FHIT: variants seen among roughly 807,000 people sequenced by gnomAD.
FHIT encodes the protein fragile histidine triad diadenosine triphosphatase, also known as bis(5'-adenosyl)-triphosphatase.
In FHIT, 19 loss-of-function variants were observed where a neutral mutation model predicts 17.9. That is an observed-to-expected ratio of 1.06 (90% CI 0.74 to 1.56). The LOEUF is 1.56. Ranked by LOEUF, FHIT falls within the 40% of genes most tolerant of loss-of-function variation. The pLI is 0.00. For synonymous variants in FHIT, 81 were observed against 69.7 expected (o/e 1.16, Z -0.81); for missense variants, 248 against 189.2 (o/e 1.31, Z -1.82).
At chr3:61,098,784 T>A (rs1192302337) in intron 2 of FHIT, among the ~76,000 whole-genome samples, 1 of 152,238 alleles carries the variant, frequency 6.6e-6, no homozygotes, top group Non-Finnish European at 1.5e-5. Context: ...TGTTTGTGAT[T>A]TTTGCACATG....
intron 3 of FHIT, among the ~76,000 whole-genome samples, chr3:61,004,331 G>C (rs769528254): frequency 3.9e-5 from 6 of 152,162 alleles, no homozygotes; most frequent in Non-Finnish European, 8.8e-5. Context: ...TACATATGCA[G>C]TTTCAAAAAA....
chr3:60,169,283 A>G (rs988643312), intron 5 of FHIT, among the ~76,000 whole-genome samples: 2 of 152,170 alleles, frequency 1.3e-5, no homozygotes, highest in Non-Finnish European at 2.9e-5. Context: ...AGGATCTCAC[A>G]GCTTTCAGGG....
In FHIT at chr3:60,349,389, A is replaced by T. The variant is rs2106936220; in HGVS notation, c.103+187471T>A. On this transcript the variant is annotated intron_variant, in intron 5 of 9. Coordinates refer to ENST00000492590, the MANE Select transcript of FHIT (RefSeq NM_002012.4). ...TAGTGCATTACATAAAAGAAATTAAAACTATTATGTCTTAATGCTTACCAC... is the reference window on the plus strand; with the variant it reads ...TAGTGCATTACATAAAAGAAATTAATACTATTATGTCTTAATGCTTACCAC... Among the ~76,000 whole-genome samples the T allele has an allele frequency of 2.6e-5, 4 of 152,256 alleles. No individual in the cohort carries two copies. In the Middle Eastern group the frequency reaches 0.014, roughly 521 times the overall value.
At chr3:60,388,417 T>C (rs1347144342) in intron 5 of FHIT, among the ~76,000 whole-genome samples, 1 of 151,970 alleles carries the variant, frequency 6.6e-6, no homozygotes, top group Admixed American at 6.6e-5. Context: ...CTGGGCAACA[T>C]GGAAAAACCC....
chr3:59,895,446 A>C (rs1704028139), intron 8 of FHIT, among the ~76,000 whole-genome samples: 1 of 152,220 alleles, frequency 6.6e-6, no homozygotes, highest in Admixed American at 6.5e-5. Flanking sequence ...TCAATATTAA[A>C]GTCAGAAAGC....
Position 60,840,922 on chromosome 3 carries a change from T to C in FHIT, c.-110-18911A>G, listed in dbSNP as rs1702705915. On this transcript the variant is annotated intron_variant, in intron 3 of 9. Coordinates refer to ENST00000492590, the MANE Select transcript of FHIT (RefSeq NM_002012.4). Reference sequence around the variant, plus strand: ...ATGTCTAAAATTAAGCAAATGCAATTATATGAGTTAGTATCATCTTATCAT... The same window carrying C: ...ATGTCTAAAATTAAGCAAATGCAATCATATGAGTTAGTATCATCTTATCAT... Among the ~76,000 whole-genome samples the C allele has an allele frequency of 1.3e-5, 2 of 152,230 alleles. 1 individual carries two copies. Among genetic ancestry groups the C allele is most frequent in the South Asian group, 4.1e-4 (2 of 4,832 alleles).
chr3:59,915,678 G>A (rs1203819530), intron 8 of FHIT, among the ~76,000 whole-genome samples: 1 of 152,166 alleles, frequency 6.6e-6, no homozygotes, highest in African/African-American at 2.4e-5. Context: ...AGTGGCTCAT[G>A]CCTATAATCC....
At chr3:60,147,733 G>T (rs59882252) in intron 5 of FHIT, among the ~76,000 whole-genome samples, 1 of 152,054 alleles carries the variant, frequency 6.6e-6, no homozygotes, top group South Asian at 2.1e-4. Flanking sequence ...CTATCTTCCC[G>T]GAGCTTCTCT....
intron 2 of FHIT, among the ~76,000 whole-genome samples, chr3:61,102,632 C>T (rs28885672): frequency 0.014 from 2,163 of 152,280 alleles, 49 homozygotes; most frequent in African/African-American, 0.049. Context: ...AGGAATGGTA[C>T]CAGCTCCTCT....
intron 2 of FHIT, among the ~76,000 whole-genome samples, chr3:61,045,935 A>G (rs181532348): frequency 1.3e-5 from 2 of 152,330 alleles, no homozygotes; most frequent in Admixed American, 1.3e-4. Flanking sequence ...TGTTCTTTGA[A>G]ACCAACGAGA....
chr3:60,682,563 G>A (rs2040775127), intron 4 of FHIT, among the ~76,000 whole-genome samples: 1 of 152,136 alleles, frequency 6.6e-6, no homozygotes, highest in Admixed American at 6.5e-5. Flanking sequence ...ATGGTTTACT[G>A]AATATTTTAA....
intron 8 of FHIT, among the ~76,000 whole-genome samples, chr3:59,754,257 C>CAGAT (rs1701083195): frequency 6.6e-6 from 1 of 152,200 alleles, no homozygotes; most frequent in Non-Finnish European, 1.5e-5. Context: ...AACCGGGCCA[C>CAGAT]AGATACATTT....
intron 5 of FHIT, among the ~76,000 whole-genome samples, chr3:60,523,405 T>C (rs934197919): frequency 1.3e-5 from 2 of 152,132 alleles, no homozygotes; most frequent in Admixed American, 1.3e-4. Flanking sequence ...AGGAAATAAA[T>C]GAATAAACAA....
intron 7 of FHIT, among the ~76,000 whole-genome samples, chr3:59,983,270 G>A (rs547706307): frequency 7.2e-4 from 109 of 152,172 alleles, no homozygotes; most frequent in African/African-American, 2.6e-3. Flanking sequence ...AAAAGAAGGG[G>A]TATATTTATT....
intron 4 of FHIT, among the ~76,000 whole-genome samples, chr3:60,597,783 T>C (rs1553667160): frequency 6.6e-6 from 1 of 152,194 alleles, no homozygotes; most frequent in African/African-American, 2.4e-5. Context: ...TTGCTTTATC[T>C]GAAACCCTGT....
intron 4 of FHIT, among the ~76,000 whole-genome samples, chr3:60,614,285 G>A (rs1553674822): frequency 6.6e-6 from 1 of 152,150 alleles, no homozygotes; most frequent in African/African-American, 2.4e-5. Flanking sequence ...TATCGCTCTG[G>A]AAGCACAGAA....
chr3:60,450,088 G>T lies in FHIT; in HGVS notation c.103+86772C>A, dbSNP rs2734381. ...AGCACTTAACATGAATGAAGCTTACGGGACTAGAAATTGTTCTGGGTGAGC... is the reference window on the plus strand; with the variant it reads ...AGCACTTAACATGAATGAAGCTTACTGGACTAGAAATTGTTCTGGGTGAGC... On this transcript the variant is annotated intron_variant, in intron 5 of 9. Transcript: ENST00000492590. Among the ~76,000 whole-genome samples, 448 of 151,076 alleles carry T rather than the reference G, an allele frequency of 3.0e-3. 3 individuals carry two copies. The highest frequency in any genetic ancestry group is 6.8e-3 in the Middle Eastern group (2 of 292).
chr3:59,932,878 C>CCTCCCATT (rs1337726893), intron 7 of FHIT, among the ~76,000 whole-genome samples: 1 of 151,924 alleles, frequency 6.6e-6, no homozygotes, highest in Admixed American at 6.6e-5. Flanking sequence ...AACAGTCTTC[C>CCTCCCATT]CTCCCATTCT....
intron 5 of FHIT, among the ~76,000 whole-genome samples, chr3:60,178,233 T>A (rs1488673659): frequency 9.9e-5 from 15 of 152,156 alleles, no homozygotes; most frequent in Admixed American, 9.8e-4. Flanking sequence ...CCCATCTTTT[T>A]ATTTCACAAA....
Sources: gnomAD v4.1 joint callset for allele counts (sites outside exome capture counted in the v4.1 genomes callset) on GRCh38, gnomAD v4.1.1 for gene constraint, MANE v1.5 for transcripts, NCBI Gene and HGNC (gene_info 2026-07-23, HGNC 2026-07-21) for gene names.